KCNQ5: variants seen among roughly 807,000 people sequenced by gnomAD.
KCNQ5 encodes potassium voltage-gated channel subfamily KQT member 5.
Under a neutral mutation model 98.2 loss-of-function variants are expected in KCNQ5, and 30 were observed. That is an observed-to-expected ratio of 0.31 (90% CI 0.23 to 0.41). The LOEUF is 0.41. KCNQ5 is among the 10% of genes least tolerant of loss of function. The pLI is 1.00. For synonymous variants in KCNQ5, 458 were observed against 449.4 expected (o/e 1.02, Z -0.24); for missense variants, 835 against 1,182.5 (o/e 0.71, Z 4.31).
At chr6:72,627,610 T>C (rs747145100) in intron 1 of KCNQ5, among the ~76,000 whole-genome samples, 1 of 152,146 alleles carries the variant, frequency 6.6e-6, no homozygotes, top group Non-Finnish European at 1.5e-5. Flanking sequence ...ATGATTCAAG[T>C]GGACTGAGGA....
chr6:73,055,501 G>C lies in KCNQ5; in HGVS notation c.616+13439G>C, dbSNP rs567987373. ...ATCCTTTCTACAGCAACATCAGTAA[G>C]GATCACAGGTATGCAGACCTCACAG... On this transcript the variant is annotated intron_variant, in intron 3 of 13. Transcript: ENST00000370398. 11 of 1,547,718 alleles carry C rather than the reference G, an allele frequency of 7.1e-6. No individual in the cohort carries two copies. The Admixed American group carries it at 1.8e-4, about 26-fold the overall frequency.
intron 1 of KCNQ5, among the ~76,000 whole-genome samples, chr6:72,912,952 G>A (rs9446787): frequency 0.026 from 3,924 of 152,048 alleles, 178 homozygotes; most frequent in African/African-American, 0.09. Flanking sequence ...ATAATTAATG[G>A]GTACTAGTCT....
At chr6:73,031,259 A>G (rs1256912811) in intron 2 of KCNQ5, among the ~76,000 whole-genome samples, 1 of 152,212 alleles carries the variant, frequency 6.6e-6, no homozygotes, top group Admixed American at 6.5e-5. Flanking sequence ...GAGTGAAATT[A>G]GGTAGTTACT....
chr6:72,933,236 A>T (rs561563432), intron 1 of KCNQ5, among the ~76,000 whole-genome samples: 1 of 152,312 alleles, frequency 6.6e-6, no homozygotes, highest in Admixed American at 6.5e-5. Context: ...TTACATTAGG[A>T]TTTACCTTAA....
intron 1 of KCNQ5, among the ~76,000 whole-genome samples, chr6:72,968,156 A>G (rs559088284): frequency 6.6e-6 from 1 of 152,182 alleles, no homozygotes; most frequent in Non-Finnish European, 1.5e-5. Context: ...ACACACTCAC[A>G]GTGTCTCAGA....
At chr6:72,787,004 C>CAAAAA (rs1045803750) in intron 1 of KCNQ5, among the ~76,000 whole-genome samples, 723 of 49,100 alleles carry the variant, frequency 0.015, no homozygotes, top group Non-Finnish European at 0.023. Context: ...GACTCTGTCT[C>CAAAAA]AAAAAAAAAA....
intron 1 of KCNQ5, among the ~76,000 whole-genome samples, chr6:72,867,419 G>A (rs1057507841): frequency 2.0e-5 from 3 of 152,214 alleles, no homozygotes; most frequent in Non-Finnish European, 2.9e-5. Context: ...GTAGAACAAG[G>A]AGAATTATAA....
chr6:72,845,275 A>C (rs1776972054), intron 1 of KCNQ5, among the ~76,000 whole-genome samples: 1 of 152,168 alleles, frequency 6.6e-6, no homozygotes, highest in Non-Finnish European at 1.5e-5. Context: ...AAACCTCCAG[A>C]GTCTTGTCCT....
intron 1 of KCNQ5, among the ~76,000 whole-genome samples, chr6:72,624,836 C>G (rs2098917261): frequency 6.6e-6 from 1 of 152,188 alleles, no homozygotes; most frequent in Admixed American, 6.5e-5. Flanking sequence ...TAAGCAGACC[C>G]TGAGGAAAGA....
intron 1 of KCNQ5, among the ~76,000 whole-genome samples, chr6:72,970,299 T>C (rs531419065): frequency 6.6e-6 from 1 of 152,180 alleles, no homozygotes; most frequent in East Asian, 1.9e-4. Context: ...TAGTCCCCCA[T>C]AATTCAAACA....
chr6:73,150,830 A>ATGTGTGTGTGTGTG, intron 10 of KCNQ5, among the ~76,000 whole-genome samples: 3 of 72,796 alleles, frequency 4.1e-5, no homozygotes, highest in African/African-American at 8.8e-5. Flanking sequence ...GTATATATAT[A>ATGTGTGTGTGTGTG]TATGTGTGTG....
intron 1 of KCNQ5, among the ~76,000 whole-genome samples, chr6:72,689,061 C>T (rs1768085115): frequency 6.6e-6 from 1 of 152,158 alleles, no homozygotes; most frequent in African/African-American, 2.4e-5. Flanking sequence ...ATTACTCATT[C>T]AAAGTTCTTG....
intron 1 of KCNQ5, among the ~76,000 whole-genome samples, chr6:72,969,933 T>A (rs1767795913): frequency 6.6e-6 from 1 of 152,160 alleles, no homozygotes; most frequent in Non-Finnish European, 1.5e-5. Flanking sequence ...AAGGCCTGCA[T>A]AGAAGATTGG....
intron 2 of KCNQ5, among the ~76,000 whole-genome samples, chr6:73,031,371 G>A (rs1179524775): frequency 1.3e-5 from 2 of 152,162 alleles, no homozygotes; most frequent in Admixed American, 1.3e-4. Context: ...TCATAAAGCT[G>A]AATAGACAGG....
At position 72,941,550 on chromosome 6, in the gene KCNQ5, T is replaced by C. The variant is rs951397688; in HGVS notation, c.399-62358T>C. On this transcript the variant is annotated intron_variant, in intron 1 of 13. Transcript: ENST00000370398. ...TTCCTCCTTCCCTCCTTCCTTTCCT[T>C]CTTCCCTCCCTCCTTCCTTCCTCCT... Among the ~76,000 whole-genome samples, 19 of 37,392 alleles carry C rather than the reference T, an allele frequency of 5.1e-4. No homozygotes were observed. In the South Asian group the frequency reaches 0.011, roughly 22 times the overall value. The allele number at this position is 37,392 out of a possible 152,430, so 24.5% of individuals were successfully genotyped here. A position where few individuals can be genotyped will look rare whatever the true frequency, so the allele number is the denominator to read the frequency against.
intron 1 of KCNQ5, among the ~76,000 whole-genome samples, chr6:72,926,190 C>T (rs1765410552): frequency 1.3e-5 from 2 of 151,988 alleles, no homozygotes; most frequent in Admixed American, 1.3e-4. Flanking sequence ...CCAGGAACTA[C>T]CAGAGATGGT....
At chr6:72,926,495 T>C (rs1433782897) in intron 1 of KCNQ5, among the ~76,000 whole-genome samples, 2 of 152,162 alleles carry the variant, frequency 1.3e-5, no homozygotes, top group African/African-American at 4.8e-5. Context: ...TAAACAGTGG[T>C]ACCTAATGAC....
chr6:72,827,983 A>G (rs1776074880), intron 1 of KCNQ5, among the ~76,000 whole-genome samples: 2 of 152,006 alleles, frequency 1.3e-5, no homozygotes, highest in South Asian at 4.1e-4. Context: ...TATTGACAAG[A>G]CTGTCCTTTC....
intron 1 of KCNQ5, among the ~76,000 whole-genome samples, chr6:72,804,446 TC>T (rs1774847665): frequency 6.6e-6 from 1 of 152,120 alleles, no homozygotes; most frequent in African/African-American, 2.4e-5. Context: ...TGTGCCTGGC[TC>T]ATTTCATTTA....
Sources: gnomAD v4.1 joint callset for allele counts (sites outside exome capture counted in the v4.1 genomes callset) on GRCh38, gnomAD v4.1.1 for gene constraint, MANE v1.5 for transcripts, NCBI Gene and HGNC (gene_info 2026-07-23, HGNC 2026-07-21) for gene names.